Variants in GLI3 observed in about 807,000 individuals in gnomAD.
GLI3 encodes transcription activator GLI3.
A neutral mutation model predicts 100.8 loss-of-function variants in GLI3; 20 were observed. The ratio of observed to expected loss-of-function variants is 0.20; its 90% confidence interval spans 0.14 to 0.29. GLI3 has a LOEUF of 0.29. Ranked by LOEUF, GLI3 falls within the 10% of genes least tolerant of loss-of-function variation. GLI3 has a pLI of 1.00. For synonymous variants in GLI3, 938 were observed against 860.5 expected, an observed-to-expected ratio of 1.09 and a Z score of -1.58; for missense variants, 2,040 against 2,128.5, an observed-to-expected ratio of 0.96 and a Z score of 0.82.
At chr7:42,061,570 T>C (rs1784569759) in intron 4 of GLI3, among the ~76,000 whole-genome samples, 1 of 152,056 alleles carries the variant, frequency 6.6e-6, no homozygotes, top group Non-Finnish European at 1.5e-5. Context: ...CCCATAAAGG[T>C]GAAAAAAGTG....
rs1175715941 is a variant in GLI3 at position 41,966,088 on chromosome 7, G to A, written c.2985C>T (p.His995=). The part of the protein sequence containing the change: ...HGYGRRHLQP[H]DAPGHGVRRA... Reference sequence around the variant, plus strand: ...TCCTCACGCCGTGGCCCGGCGCATCGTGCGGCTGCAGGTGGCGCCGCCCGT... The same window carrying A: ...TCCTCACGCCGTGGCCCGGCGCATCATGCGGCTGCAGGTGGCGCCGCCCGT... Residue 995 remains histidine, a synonymous_variant, in exon 15 of 15, where the codon CAC becomes CAT. Coordinates refer to ENST00000395925, the MANE Select transcript of GLI3 (RefSeq NM_000168.6). The surrounding 1 kb of genome is among the most constrained non-coding windows in gnomAD (Gnocchi z 5.8). 1.3e-6 allele frequency: 2 copies of A among 1,570,100 alleles called. No homozygotes were observed. The highest frequency in any genetic ancestry group is 1.1e-5 in the South Asian group (1 of 87,690).
At chr7:42,085,951 A>C (rs1395342748) in intron 3 of GLI3, among the ~76,000 whole-genome samples, 4 of 152,164 alleles carry the variant, frequency 2.6e-5, no homozygotes, top group Non-Finnish European at 4.4e-5. Context: ...TTAAGAAATG[A>C]ATGAGGCACA....
rs909681262 is a variant in GLI3, at chr7:41,972,239, G to A, written c.2103+98C>T. The stretch of plus-strand genomic sequence containing the variant: ...CGCCTCCTCAGATCAGAGACAGCCT[G>A]ACACAGTGAGGACCGGGAAGTCCTG... On this transcript the variant is annotated intron_variant, in intron 13 of 14. Coordinates refer to ENST00000395925, the MANE Select transcript of GLI3 (RefSeq NM_000168.6). This position sits in a 1 kb window ranked among gnomAD's most constrained non-coding sequence, Gnocchi z 4.4. The A allele has an allele frequency of 1.4e-5, 16 of 1,112,414 alleles. No individual in the cohort carries two copies. In the Admixed American group the frequency reaches 2.7e-4, roughly 19 times the overall value. 68.9% of individuals were successfully genotyped at this position (1,112,414 alleles called of 1,614,324 possible).
At chr7:42,047,104 T>C (rs1156916056) in intron 5 of GLI3, among the ~76,000 whole-genome samples, 3 of 152,210 alleles carry the variant, frequency 2.0e-5, no homozygotes, top group Non-Finnish European at 4.4e-5. Context: ...TACAGTGAGC[T>C]GAGATTGCAC....
At chr7:42,244,795 C>G (rs994682055) in intron 1 of GLI3, among the ~76,000 whole-genome samples, 14 of 152,094 alleles carry the variant, frequency 9.2e-5, no homozygotes, top group Admixed American at 8.5e-4. Context: ...GGATCCCAGC[C>G]ATGAAGAATT....
At position 41,963,902 on chromosome 7, in the gene GLI3, G is replaced by A. The variant is rs2051935; in HGVS notation, c.*428C>T. On this transcript the variant is annotated 3_prime_UTR_variant, in exon 15 of 15. Transcript: ENST00000395925. ...GCACATGTAAAGGAGAATTTTAAAA[G>A]CTGGAAGTGTAACCCCTTGGTCACA... 60,622 of 166,244 alleles carry A rather than the reference G, an allele frequency of 0.36. 12,191 individuals are homozygous for A. Among genetic ancestry groups the A allele is most frequent in the East Asian group, 0.8 (4,478 of 5,618 alleles). The allele number at this position is 166,244 out of a possible 1,614,324, so 10.3% of individuals were successfully genotyped here. A position where few individuals can be genotyped will look rare whatever the true frequency, so the allele number is the denominator to read the frequency against.
At chr7:42,236,552 C>T (rs1562796721) in intron 1 of GLI3, among the ~76,000 whole-genome samples, 1 of 152,190 alleles carries the variant, frequency 6.6e-6, no homozygotes, top group Non-Finnish European at 1.5e-5. Context: ...TTCCGCCCAT[C>T]CCGAGCGCCG....
At chr7:42,143,997 G>T (rs928615386) in intron 3 of GLI3, among the ~76,000 whole-genome samples, 1 of 152,142 alleles carries the variant, frequency 6.6e-6, no homozygotes, top group Non-Finnish European at 1.5e-5. Flanking sequence ...GATCCCTGCA[G>T]GAAGAGTTTA....
At chr7:42,111,351 T>C (rs1785702002) in intron 3 of GLI3, among the ~76,000 whole-genome samples, 1 of 152,124 alleles carries the variant, frequency 6.6e-6, no homozygotes, top group African/African-American at 2.4e-5. Context: ...GGTGCCAAGT[T>C]GCAAGGTAGC....
intron 10 of GLI3, among the ~76,000 whole-genome samples, chr7:42,020,025 C>G (rs1227501419): frequency 1.3e-5 from 2 of 152,048 alleles, no homozygotes; most frequent in Admixed American, 1.3e-4. Context: ...AATTAAACAT[C>G]CCTGTGATAA....
chr7:42,168,203 T>C (rs1360457194), intron 2 of GLI3, among the ~76,000 whole-genome samples: 1 of 152,196 alleles, frequency 6.6e-6, no homozygotes, highest in Non-Finnish European at 1.5e-5. Flanking sequence ...AGTACCTTGT[T>C]AAGAAAACTT....
rs192080087 is a variant in GLI3, at chr7:42,197,723, G to C, written c.124+25407C>G. Reference sequence around the variant, plus strand: ...CTCACAGGCCTAAAAGCAGTGTCGGGCTTAGCTACCCCAGACAGGAGAGTC... The same window carrying C: ...CTCACAGGCCTAAAAGCAGTGTCGGCCTTAGCTACCCCAGACAGGAGAGTC... On this transcript the variant is annotated intron_variant, in intron 2 of 14. Transcript: ENST00000395925. Among the ~76,000 whole-genome samples, 129 of 152,308 alleles carry C rather than the reference G, an allele frequency of 8.5e-4. 1 individual carries two copies. The highest frequency in any genetic ancestry group is 3.0e-3 in the Admixed American group (46 of 15,296).
At chr7:42,143,033 T>C (rs1786610864) in intron 3 of GLI3, among the ~76,000 whole-genome samples, 1 of 151,874 alleles carries the variant, frequency 6.6e-6, no homozygotes, top group Non-Finnish European at 1.5e-5. Flanking sequence ...GGTCATTCTA[T>C]TGAATTTCTA....
At chr7:42,124,068 T>C (rs1284621304) in intron 3 of GLI3, among the ~76,000 whole-genome samples, 4 of 152,134 alleles carry the variant, frequency 2.6e-5, no homozygotes, top group South Asian at 2.1e-4. Flanking sequence ...CTCCCCACTG[T>C]CTTGTCTTGC....
At chr7:42,124,068 T>A (rs1284621304) in intron 3 of GLI3, among the ~76,000 whole-genome samples, 2 of 152,134 alleles carry the variant, frequency 1.3e-5, no homozygotes. Flanking sequence ...CTCCCCACTG[T>A]CTTGTCTTGC....
chr7:42,180,559 T>C (rs144171355), intron 2 of GLI3, among the ~76,000 whole-genome samples: 491 of 151,316 alleles, frequency 3.2e-3, no homozygotes, highest in Non-Finnish European at 5.0e-3. Flanking sequence ...AGAGGTGGAG[T>C]GATGGCCTGG....
chr7:42,238,836 G>C (rs1286926984), upstream of GLI3, among the ~76,000 whole-genome samples: 2 of 152,224 alleles, frequency 1.3e-5, no homozygotes, highest in African/African-American at 4.8e-5. Context: ...TGGTTAAGCC[G>C]GGTCCACCCA....
intron 2 of GLI3, 70 bp downstream of exon 2, chr7:42,223,060 A>G: frequency 6.3e-7 from 1 of 1,587,110 alleles, no homozygotes; most frequent in South Asian, 1.1e-5. Flanking sequence ...CAAACGCTCA[A>G]TTCACAAGGA....
chr7:42,072,565 TG>T (rs1170858036), intron 4 of GLI3, among the ~76,000 whole-genome samples: 2 of 152,340 alleles, frequency 1.3e-5, no homozygotes, highest in African/African-American at 4.8e-5. Context: ...AATTGTATTC[TG>T]GGGTAGTAGG....
Sources: allele counts gnomAD v4.1 joint callset (sites outside exome capture counted in the v4.1 genomes callset), GRCh38; gene constraint gnomAD v4.1.1; non-coding constraint Gnocchi (gnomAD v3.1); transcripts MANE v1.5; gene names NCBI Gene and HGNC (gene_info 2026-07-23, HGNC 2026-07-21).